Variants in MLLT1 observed in about 807,000 individuals in gnomAD.
MLLT1 encodes protein ENL.
Under a neutral mutation model 55.1 loss-of-function variants are expected in MLLT1, and 11 were observed. The observed-to-expected ratio is 0.20, with a 90% CI of 0.13 to 0.33. MLLT1 has a LOEUF of 0.33. MLLT1 is among the 10% of genes least tolerant of loss of function. MLLT1 has a pLI of 1.00. For synonymous variants in MLLT1, 323 were observed against 320.1 expected, an observed-to-expected ratio of 1.01 and a Z score of -0.10; for missense variants, 536 against 760.6, an observed-to-expected ratio of 0.70 and a Z score of 3.47.
intron 1 of MLLT1, among the ~76,000 whole-genome samples, chr19:6,279,418 T>C (rs1029452674): frequency 1.3e-5 from 2 of 151,826 alleles, no homozygotes; most frequent in East Asian, 3.9e-4. Flanking sequence ...GAGAGCTGTC[T>C]TGAGGTCCCT....
Position 6,222,707 on chromosome 19 carries a change from G to A in MLLT1, c.547-23C>T, listed in dbSNP as rs376946170. 2.0e-6 allele frequency: 3 copies of A among 1,499,408 alleles called. No homozygotes were observed. Among genetic ancestry groups the A allele is most frequent in the African/African-American group, 2.8e-5 (2 of 71,476 alleles). The allele number at this position is 1,499,408 out of a possible 1,614,324, so 92.9% of individuals were successfully genotyped here. ...GTCCTGCAAGGCCAAGAGCAGGGAG[G>A]GCAAGGGGAGAGACAAGGTCACGTG... On this transcript the variant is annotated intron_variant, in intron 5 of 11. Transcript: ENST00000252674. The surrounding 1 kb of genome is among the most constrained non-coding windows in gnomAD (Gnocchi z 4.1).
chr19:6,214,267 C>G, intron 8 of MLLT1, among the ~76,000 whole-genome samples: 1 of 152,328 alleles, frequency 6.6e-6, no homozygotes, highest in South Asian at 2.1e-4. Context: ...GGGGGCCGCC[C>G]GAGCAGGCCA....
intron 6 of MLLT1, among the ~76,000 whole-genome samples, chr19:6,220,492 A>C (rs1035834322): frequency 6.6e-6 from 1 of 152,232 alleles, no homozygotes; most frequent in Non-Finnish European, 1.5e-5. Flanking sequence ...CACTCTAAGC[A>C]GCGGCGTCCG....
At chr19:6,213,622 G>A (rs2090803956) in intron 10 of MLLT1, 104 bp downstream of exon 10, 1 of 1,201,056 alleles carries the variant, frequency 8.3e-7, no homozygotes, top group Admixed American at 1.8e-5. Context: ...CCCAGGAAGA[G>A]TCCAACTGTG....
chr19:6,225,727 G>A (rs1600179462), intron 5 of MLLT1, among the ~76,000 whole-genome samples: 1 of 152,134 alleles, frequency 6.6e-6, no homozygotes, highest in African/African-American at 2.4e-5. Context: ...GAGACACTCC[G>A]GCAAAAGATA....
rs2091102852 is a variant in MLLT1 at position 6,240,327 on chromosome 19, G to C, written c.277-9614C>G. Among the ~76,000 whole-genome samples, 1 of 152,236 alleles carries C rather than the reference G, an allele frequency of 6.6e-6. No individual in the cohort carries two copies. The highest frequency in any genetic ancestry group is 1.5e-5 in the Non-Finnish European group (1 of 68,022). On this transcript the variant is annotated intron_variant, in intron 3 of 11. Coordinates refer to ENST00000252674, the MANE Select transcript of MLLT1 (RefSeq NM_005934.4). The surrounding 1 kb of genome is among the most constrained non-coding windows in gnomAD (Gnocchi z 4.7). ...AAGAGGCTGGCCCTGGTCAGGGGAG[G>C]CGGGGGAGTTTTCTTCTTGTACCCC...
At chr19:6,250,356 G>A (rs2091202770) in intron 3 of MLLT1, among the ~76,000 whole-genome samples, 1 of 152,138 alleles carries the variant, frequency 6.6e-6, no homozygotes, top group Non-Finnish European at 1.5e-5. Flanking sequence ...AAAACAGTTT[G>A]GCACTCCCTC....
intron 1 of MLLT1, among the ~76,000 whole-genome samples, chr19:6,274,838 G>A (rs2144967454): frequency 6.6e-6 from 1 of 152,336 alleles, no homozygotes; most frequent in South Asian, 2.1e-4. Context: ...AGGGCCATCT[G>A]GGGACAGTTA....
At chr19:6,267,816 A>G (rs1560694) in intron 2 of MLLT1, among the ~76,000 whole-genome samples, 92,511 of 152,102 alleles carry the variant, frequency 0.61, 29,449 homozygotes, top group African/African-American at 0.78. Flanking sequence ...AGCCTCAAAA[A>G]GAGGGGTGCA....
At position 6,212,909 on chromosome 19, in the gene MLLT1, G is replaced by C. The variant is rs2090794844; in HGVS notation, c.*133C>G. 7 of 1,185,972 alleles carry C rather than the reference G, an allele frequency of 5.9e-6. No homozygotes were observed. Among genetic ancestry groups the C allele is most frequent in the Non-Finnish European group, 8.1e-6 (7 of 859,670 alleles). 73.5% of individuals were successfully genotyped at this position (1,185,972 alleles called of 1,614,324 possible). On this transcript the variant is annotated 3_prime_UTR_variant, in exon 12 of 12. Transcript: ENST00000252674. ...AGGGAGCCGCCGAGGAAAGTGCAGC[G>C]GGCTGTGCGGGCGAGGACAGGGCTG... is the stretch of plus-strand genomic sequence containing the variant.
chr19:6,221,565 C>T (rs943545041), intron 6 of MLLT1, among the ~76,000 whole-genome samples: 4 of 152,172 alleles, frequency 2.6e-5, no homozygotes, highest in African/African-American at 9.7e-5. Context: ...CAGCTGTGTG[C>T]GATGGGTGTG....
chr19:6,262,368 G>T lies in MLLT1; in HGVS notation c.194-58C>A. 3.4e-6 allele frequency: 5 copies of T among 1,472,342 alleles called. No homozygotes were observed. The highest frequency in any genetic ancestry group is 4.7e-6 in the Non-Finnish European group (5 of 1,058,448). 91.2% of individuals were successfully genotyped at this position (1,472,342 alleles called of 1,614,324 possible). On this transcript the variant is annotated intron_variant, in intron 2 of 11. Coordinates refer to ENST00000252674, the MANE Select transcript of MLLT1 (RefSeq NM_005934.4). This position sits in a 1 kb window ranked among gnomAD's most constrained non-coding sequence, Gnocchi z 4.4. Reference sequence around the variant, plus strand: ...CCTCCTGCCTGTTTCAGGCCCAGCTGCCAGCGGCAGTACCGCACCCCTCAA... The same window carrying T: ...CCTCCTGCCTGTTTCAGGCCCAGCTTCCAGCGGCAGTACCGCACCCCTCAA...
intron 10 of MLLT1, 50 bp downstream of exon 10, chr19:6,213,676 A>ACCCC: frequency 2.7e-6 from 1 of 369,838 alleles, no homozygotes; most frequent in South Asian, 2.5e-5. Flanking sequence ...TGCAACTCCC[A>ACCCC]CCACCCACCC....
intron 3 of MLLT1, among the ~76,000 whole-genome samples, chr19:6,245,841 G>A (rs1044909867): frequency 6.6e-6 from 1 of 152,232 alleles, no homozygotes; most frequent in African/African-American, 2.4e-5. Context: ...AGAGCTGTGT[G>A]AGCTGTGACT....
In MLLT1 at chr19:6,212,911, G is replaced by A; in HGVS notation, c.*131C>T. On this transcript the variant is annotated 3_prime_UTR_variant, in exon 12 of 12. Coordinates refer to ENST00000252674, the MANE Select transcript of MLLT1 (RefSeq NM_005934.4). ...GGAGCCGCCGAGGAAAGTGCAGCGG[G>A]CTGTGCGGGCGAGGACAGGGCTGTC... 1 of 1,201,636 alleles carries A rather than the reference G, an allele frequency of 8.3e-7. No individual in the cohort carries two copies. Among genetic ancestry groups the A allele is most frequent in the Non-Finnish European group, 1.1e-6 (1 of 872,726 alleles). The allele number at this position is 1,201,636 out of a possible 1,614,324, so 74.4% of individuals were successfully genotyped here. A position where few individuals can be genotyped will look rare whatever the true frequency, so the allele number is the denominator to read the frequency against.
chr19:6,239,734 T>A (rs1173131673), intron 3 of MLLT1, among the ~76,000 whole-genome samples: 2 of 150,998 alleles, frequency 1.3e-5, no homozygotes, highest in African/African-American at 4.9e-5. Context: ...ACTCATACAC[T>A]CAGACTTACA....
At chr19:6,277,594 C>T (rs1204347546) in intron 1 of MLLT1, among the ~76,000 whole-genome samples, 1 of 152,198 alleles carries the variant, frequency 6.6e-6, no homozygotes, top group African/African-American at 2.4e-5. Context: ...AGACCTTTAT[C>T]TCCCTCTGTC....
chr19:6,218,100 C>A, intron 6 of MLLT1, 59 bp from the exon 7 acceptor site: 1 of 1,540,432 alleles, frequency 6.5e-7, no homozygotes. Context: ...CACCTTTCAG[C>A]AGAGACAAAG....
At chr19:6,217,411 G>A (rs2090855974) in intron 7 of MLLT1, among the ~76,000 whole-genome samples, 1 of 152,200 alleles carries the variant, frequency 6.6e-6, no homozygotes, top group Non-Finnish European at 1.5e-5. Context: ...CCTGCAGGCT[G>A]CCTGGTCCCC....
Sources: gnomAD v4.1 joint callset for allele counts (sites outside exome capture counted in the v4.1 genomes callset) on GRCh38, gnomAD v4.1.1 for gene constraint, Gnocchi (gnomAD v3.1) non-coding constraint, MANE v1.5 for transcripts, NCBI Gene and HGNC (gene_info 2026-07-23, HGNC 2026-07-21) for gene names.